TTC23L: variants seen among roughly 807,000 people sequenced by gnomAD.
The protein encoded by TTC23L is tetratricopeptide repeat domain 23 like.
Under a neutral mutation model 48.1 loss-of-function variants are expected in TTC23L, and 42 were observed. The observed-to-expected ratio is 0.87, with a 90% CI of 0.68 to 1.13. TTC23L has a LOEUF of 1.13. Among genes scored for constraint, TTC23L ranks in the 50% most tolerant of loss-of-function variants. The pLI is 0.00. For missense variants in TTC23L, 391 were observed against 421.0 expected (o/e 0.93, Z 0.62); for synonymous variants, 159 against 157.2 (o/e 1.01, Z -0.09).
At chr5:34,922,411 A>G in the TTC23L span, 1 of 890,808 alleles carries the variant, frequency 1.1e-6, no homozygotes, top group South Asian at 1.7e-5. Flanking sequence ...TTTTGATTTC[A>G]CGAAACTTGA....
downstream of TTC23L, chr5:34,902,411 C>A: frequency 5.1e-6 from 2 of 392,066 alleles, no homozygotes; most frequent in Admixed American, 2.5e-5. Flanking sequence ...AGCAAAACTC[C>A]CTCTAAAAAA....
At chr5:34,923,169 C>T in the TTC23L span, 10 of 1,614,112 alleles carry the variant, frequency 6.2e-6, no homozygotes, top group South Asian at 1.1e-5. Context: ...CAAAAGCCAA[C>T]CATTTGTGGA....
At chr5:34,841,676 C>G (rs1011678950) in intron 2 of TTC23L, among the ~76,000 whole-genome samples, 1 of 152,176 alleles carries the variant, frequency 6.6e-6, no homozygotes, top group African/African-American at 2.4e-5. Flanking sequence ...CACCACCATA[C>G]CTGCCTAATT....
chr5:34,849,817 G>C (rs982101570), intron 3 of TTC23L, among the ~76,000 whole-genome samples: 6 of 152,130 alleles, frequency 3.9e-5, no homozygotes, highest in African/African-American at 9.7e-5. Flanking sequence ...TTTTCATGCT[G>C]TCTGTTTTGT....
At chr5:34,873,466 A>G (rs1028410105) in intron 8 of TTC23L, among the ~76,000 whole-genome samples, 4 of 152,200 alleles carry the variant, frequency 2.6e-5, no homozygotes, top group Non-Finnish European at 4.4e-5. Flanking sequence ...TCGGTCCATG[A>G]GAATTGCAAT....
At chr5:34,880,267 G>A in exon 9 of TTC23L, 2 of 1,613,172 alleles carry the variant, frequency 1.2e-6, no homozygotes, top group South Asian at 2.2e-5. Context: ...GAGCACCACT[G>A]AAGAATTTTG....
At chr5:34,884,140 A>G (rs1181050842) in intron 9 of TTC23L, among the ~76,000 whole-genome samples, 1 of 152,210 alleles carries the variant, frequency 6.6e-6, no homozygotes, top group Admixed American at 6.5e-5. Flanking sequence ...CCTTAACAGA[A>G]TGAAGGATAA....
At chr5:34,874,184 A>G (rs1199743869) in intron 8 of TTC23L, among the ~76,000 whole-genome samples, 1 of 152,222 alleles carries the variant, frequency 6.6e-6, no homozygotes, top group Non-Finnish European at 1.5e-5. Context: ...GTAGAAATCT[A>G]TCTCCACAGG....
the TTC23L span, chr5:34,924,867 T>C: frequency 6.2e-7 from 1 of 1,606,408 alleles, no homozygotes; most frequent in Non-Finnish European, 8.5e-7. Flanking sequence ...AAGATGCTGC[T>C]CTTGTAGAAA....
At chr5:34,907,515 A>AT in the TTC23L span, 1 of 152,334 alleles carries the variant, frequency 6.6e-6, no homozygotes, top group Non-Finnish European at 1.5e-5. Flanking sequence ...CAGGAAGATA[A>AT]TTTTTGCATT....
the TTC23L span, chr5:34,913,578 C>A: frequency 6.4e-7 from 1 of 1,556,278 alleles, no homozygotes; most frequent in South Asian, 1.2e-5. Context: ...AATATTCCAG[C>A]CTATGAAAAG....
At chr5:34,839,232 G>A (rs1190438806) in exon 1 of TTC23L, 2 of 152,708 alleles carry the variant, frequency 1.3e-5, no homozygotes, top group Non-Finnish European at 2.9e-5. Flanking sequence ...CAGCTTTCGC[G>A]AGGCACCGCT....
chr5:34,866,680 T>A (rs1170264891), intron 6 of TTC23L, among the ~76,000 whole-genome samples: 1 of 152,152 alleles, frequency 6.6e-6, no homozygotes, highest in Non-Finnish European at 1.5e-5. Flanking sequence ...CACGACATAG[T>A]AATGGGTTTA....
rs377261919 is a variant in TTC23L, at chr5:34,862,891, C to T, written c.380-7C>T. ...TCTTCTTGCTCCTCACCCTCTAACT[C>T]CCCCAGGCCTCCCAGTTCAGGCCAA... On this transcript the variant is annotated splice_region_variant and splice_polypyrimidine_tract_variant and intron_variant, in intron 4 of 10. Coordinates refer to ENST00000505624, the Ensembl canonical transcript of TTC23L. 50 of 1,613,480 alleles carry T rather than the reference C, an allele frequency of 3.1e-5. No homozygotes were observed. In the South Asian group the frequency reaches 3.4e-4, roughly 11 times the overall value.
chr5:34,852,893 C>T (rs965025358), intron 4 of TTC23L, among the ~76,000 whole-genome samples: 3 of 152,256 alleles, frequency 2.0e-5, no homozygotes, highest in South Asian at 2.1e-4. Context: ...GCACATCTAA[C>T]GTGGCGGCTG....
exon 3 of TTC23L, chr5:34,845,654 A>G: frequency 6.2e-7 from 1 of 1,602,772 alleles, no homozygotes; most frequent in Non-Finnish European, 8.5e-7. Context: ...AAAGTAGCTC[A>G]GCTGATTAAG....
the TTC23L span, chr5:34,908,637 G>C: frequency 1.3e-6 from 1 of 775,426 alleles, no homozygotes. Context: ...ACATGACCTT[G>C]CTCCTATCTT....
the TTC23L span, chr5:34,915,963 T>C: frequency 4.1e-6 from 6 of 1,462,794 alleles, no homozygotes; most frequent in Non-Finnish European, 5.4e-6. Context: ...TTGGGTTACT[T>C]ACTTGACTAC....
chr5:34,918,550 T>C, the TTC23L span: 12 of 844,444 alleles, frequency 1.4e-5, no homozygotes, highest in African/African-American at 2.0e-4. Context: ...TTATTTTATA[T>C]ATTCTTCATT....
Sources: gnomAD v4.1 joint callset for allele counts (sites outside exome capture counted in the v4.1 genomes callset) on GRCh38, gnomAD v4.1.1 for gene constraint, MANE v1.5 for transcripts, NCBI Gene and HGNC (gene_info 2026-07-23, HGNC 2026-07-21) for gene names.